Variants in PSMD6 observed in about 807,000 individuals in gnomAD.
PSMD6 encodes proteasome 26S subunit, non-ATPase 6.
Under a neutral mutation model 44.9 loss-of-function variants are expected in PSMD6, and 7 were observed. That is an observed-to-expected ratio of 0.16 (90% confidence interval 0.09 to 0.29). The LOEUF is 0.29. PSMD6 is among the 10% of genes least tolerant of loss of function. The pLI, the probability that PSMD6 is intolerant of heterozygous loss-of-function variation, is 1.00. For missense variants in PSMD6, 420 were observed against 482.6 expected (o/e 0.87, Z 1.21); for synonymous variants, 184 against 172.7 (o/e 1.07, Z -0.51).
intron 6 of PSMD6, chr3:64,011,386 C>T (rs1250195169): frequency 6.7e-6 from 1 of 148,672 alleles, no homozygotes; most frequent in Non-Finnish European, 1.5e-5. Context: ...ACGACCCTTT[C>T]CCTCTCTAAC....
In PSMD6 at chr3:64,023,449, C is replaced by T. The variant is rs1289661000; in HGVS notation, c.-30G>A. The T allele has an allele frequency of 1.3e-6, 2 of 1,566,126 alleles. No homozygotes were observed. Among genetic ancestry groups the T allele is most frequent in the South Asian group, 2.3e-5 (2 of 87,608 alleles). The stretch of plus-strand genomic sequence containing the variant: ...GCGAAGGGGACAGCGGCTGACAGGA[C>T]ACAACTTGGTTACGACCGGCTGCGG... On this transcript the variant is annotated 5_prime_UTR_variant, in exon 1 of 8. Coordinates refer to ENST00000295901, the MANE Select transcript of PSMD6 (RefSeq NM_014814.3).
In PSMD6 at chr3:64,023,320, C is replaced by T; in HGVS notation, c.100G>A (p.Asp34Asn). The T allele has an allele frequency of 6.9e-6, 11 of 1,598,960 alleles. No individual in the cohort carries two copies. The highest frequency in any genetic ancestry group is 8.5e-6 in the Non-Finnish European group (10 of 1,173,362). Residue 34 changes from aspartate (D) to asparagine (N), a missense_variant, in exon 1 of 8, where the codon GAC becomes AAC. Coordinates refer to ENST00000295901, the MANE Select transcript of PSMD6 (RefSeq NM_014814.3). ...ATCAGCTCGTCGCGCACGGCAGCGTCTCCGCGGTGCTCGGGCAGGCTGAGC... is the reference window on the plus strand; with the variant it reads ...ATCAGCTCGTCGCGCACGGCAGCGTTTCCGCGGTGCTCGGGCAGGCTGAGC... ...FLLSLPEHRG[D>N]AAVRDELMAA...
intron 1 of PSMD6, 59 bp from the exon 2 acceptor site, chr3:64,022,582 T>G: frequency 1.3e-6 from 2 of 1,595,736 alleles, no homozygotes; most frequent in South Asian, 1.1e-5. Context: ...AGTCAAAGTC[T>G]GCCCACGTAT....
chr3:64,010,584 A>C lies in PSMD6; in HGVS notation c.*84T>G. ...CAACAATGCAGTATTTATTTTATAC[A>C]GCTGACCTGGGCACATTGTGAAGTA... is the stretch of plus-strand genomic sequence containing the variant. On this transcript the variant is annotated 3_prime_UTR_variant, in exon 8 of 8. Coordinates refer to ENST00000295901, the MANE Select transcript of PSMD6 (RefSeq NM_014814.3). 7.1e-6 allele frequency: 7 copies of C among 991,360 alleles called. No individual in the cohort carries two copies. Among genetic ancestry groups the C allele is most frequent in the Non-Finnish European group, 1.0e-5 (7 of 673,330 alleles). The allele number at this position is 991,360 out of a possible 1,614,324, so 61.4% of individuals were successfully genotyped here.
intron 3 of PSMD6, 27 bp from the exon 4 acceptor site, chr3:64,019,064 AG>A: frequency 6.4e-7 from 1 of 1,566,094 alleles, no homozygotes; most frequent in Non-Finnish European, 8.8e-7. Flanking sequence ...GTAAGATCAT[AG>A]TCTGGAAACA....
At chr3:64,020,294 T>G (rs2076109338) in intron 2 of PSMD6, among the ~76,000 whole-genome samples, 1 of 152,038 alleles carries the variant, frequency 6.6e-6, no homozygotes, top group South Asian at 2.1e-4. Flanking sequence ...CTAAGTCCAT[T>G]AAGTATTTAG....
intron 5 of PSMD6, chr3:64,015,644 C>T (rs1159113585): frequency 1.3e-5 from 2 of 152,152 alleles, no homozygotes; most frequent in Non-Finnish European, 2.9e-5. Context: ...AAAAAAGGTA[C>T]TTACAAAACA....
At chr3:64,016,416 A>G (rs575811274) in intron 5 of PSMD6, 1 of 152,140 alleles carries the variant, frequency 6.6e-6, no homozygotes. Flanking sequence ...TTTAGAGCAC[A>G]TTAGTACCAA....
Position 64,011,029 on chromosome 3 carries a change from A to T in PSMD6, c.996-74T>A, listed in dbSNP as rs571120847. On this transcript the variant is annotated intron_variant, in intron 6 of 7. Coordinates refer to ENST00000295901, the MANE Select transcript of PSMD6 (RefSeq NM_014814.3). The stretch of plus-strand genomic sequence containing the variant: ...AGAAAAATGCAAACGGCATTAAAAT[A>T]CTGTCTTAAATTTGTAACAAACATT... 4,385 of 1,222,238 alleles carry T rather than the reference A, an allele frequency of 3.6e-3. 14 individuals carry two copies. Among genetic ancestry groups the T allele is most frequent in the Non-Finnish European group, 4.3e-3 (3,735 of 865,052 alleles). 75.7% of individuals were successfully genotyped at this position (1,222,238 alleles called of 1,614,324 possible).
rs1322720104 is a variant in PSMD6, at chr3:64,022,756, G to T, written c.146-233C>A. On this transcript the variant is annotated intron_variant, in intron 1 of 7. Transcript: ENST00000295901. ...ATGCCAACCTCTACTAGGGCTGGAG[G>T]GAGGGCAATCCTCGGTTTGCTCTTG... 3.3e-6 allele frequency: 5 copies of T among 1,536,396 alleles called. No individual in the cohort carries two copies. In the East Asian group the frequency reaches 1.2e-4, roughly 38 times the overall value.
chr3:64,013,636 T>C lies in PSMD6; in HGVS notation c.827-29A>G, dbSNP rs150399340. The C allele has an allele frequency of 3.8e-3, 5,957 of 1,572,856 alleles. 377 individuals carry two copies. The Admixed American group carries it at 0.1, about 26-fold the overall frequency. On this transcript the variant is annotated intron_variant, in intron 5 of 7. Coordinates refer to ENST00000295901, the MANE Select transcript of PSMD6 (RefSeq NM_014814.3). ...CAATGAATAAAATGACAAATTATAA[T>C]AGACTCTCCGTTTCAGATAAAAAGA...
chr3:64,022,299 G>T lies in PSMD6; in HGVS notation c.351+19C>A. ...TTAGCCTATACTAACTACAGAGAGG[G>T]AAAACCATCTCTACTCACTTTGTCA... On this transcript the variant is annotated intron_variant, in intron 2 of 7. Transcript: ENST00000295901. The T allele has an allele frequency of 6.2e-7, 1 of 1,613,492 alleles. No individual in the cohort carries two copies. Among genetic ancestry groups the T allele is most frequent in the Non-Finnish European group, 8.5e-7 (1 of 1,179,538 alleles).
rs773523894 is a variant in PSMD6, at chr3:64,018,859, C to T, written c.676G>A (p.Val226Ile). ...YKTFVTYTVY[V>I]SMIALERPDL... The stretch of plus-strand genomic sequence containing the variant: ...GGTCTTTCTAAGGCAATCATACTGA[C>T]ATAGACAGTATAAGTCACAAATGTT... Residue 226 changes from valine (V) to isoleucine (I), a missense_variant, in exon 4 of 8, where the codon GTC becomes ATC. By Grantham distance (29) the Val-to-Ile change is conservative. Transcript: ENST00000295901. 6.3e-7 allele frequency: 1 copy of T among 1,595,386 alleles called. No homozygotes were observed. Among genetic ancestry groups the T allele is most frequent in the Non-Finnish European group, 8.6e-7 (1 of 1,163,004 alleles).
Position 64,023,260 on chromosome 3 carries a change from T to C in PSMD6, c.145+15A>G. The C allele has an allele frequency of 1.3e-6, 2 of 1,550,150 alleles. No individual in the cohort carries two copies. Among genetic ancestry groups the C allele is most frequent in the Non-Finnish European group, 1.7e-6 (2 of 1,146,066 alleles). On this transcript the variant is annotated intron_variant, in intron 1 of 7. Transcript: ENST00000295901. ...CAGGCCTAGGCCGCTGACTCGGCGC[T>C]CGTGCGGGCCTCACTGTTATCGCGG... is the stretch of plus-strand genomic sequence containing the variant.
At chr3:64,019,488 C>G in intron 2 of PSMD6, 47 bp from the exon 3 acceptor site, 2 of 1,562,984 alleles carry the variant, frequency 1.3e-6, no homozygotes, top group South Asian at 2.4e-5. Flanking sequence ...TACAAGTTTC[C>G]AAAAAAAGCT....
chr3:64,013,569 C>CA lies in PSMD6; in HGVS notation c.864dup (p.Ala289CysfsTer24). The CA allele has an allele frequency of 6.2e-7, 1 of 1,609,966 alleles. No individual in the cohort carries two copies. Among genetic ancestry groups the CA allele is most frequent in the Non-Finnish European group, 8.5e-7 (1 of 1,178,702 alleles). On this transcript the variant is annotated frameshift_variant, in exon 6 of 8. Coordinates refer to ENST00000295901, the MANE Select transcript of PSMD6 (RefSeq NM_014814.3). LOFTEE classifies it high-confidence loss of function. Reference sequence around the variant, plus strand: ...CTTACATAGTATCGATAATGAGGGGCAAAAAGCCAGTCCTTTTTCATTTCC... The same window carrying CA: ...CTTACATAGTATCGATAATGAGGGGCAAAAAAGCCAGTCCTTTTTCATTTCC...
intron 5 of PSMD6, chr3:64,016,413 C>T (rs956448794): frequency 6.6e-6 from 1 of 150,926 alleles, no homozygotes; most frequent in Non-Finnish European, 1.5e-5. Context: ...TATTTTAGAG[C>T]ACATTAGTAC....
At chr3:64,019,655 TAAG>T in intron 2 of PSMD6, 1 of 461,846 alleles carries the variant, frequency 2.2e-6, no homozygotes, top group Non-Finnish European at 3.7e-6. Flanking sequence ...AAAAAATACA[TAAG>T]AAATGCCCAA....
At chr3:64,022,856 C>T (rs778166778) in intron 1 of PSMD6, 231 of 1,528,408 alleles carry the variant, frequency 1.5e-4, no homozygotes, top group Non-Finnish European at 1.9e-4. Flanking sequence ...TATGTTCAAA[C>T]ATACACATTC....
Sources: allele counts gnomAD v4.1 joint callset (sites outside exome capture counted in the v4.1 genomes callset), GRCh38; gene constraint gnomAD v4.1.1; transcripts MANE v1.5; gene names NCBI Gene and HGNC (gene_info 2026-07-23, HGNC 2026-07-21).